Variants in LAMC1 observed in about 807,000 individuals in gnomAD.
The protein encoded by LAMC1 is laminin subunit gamma 1.
Under a neutral mutation model 173.6 loss-of-function variants are expected in LAMC1, and 38 were observed. The observed-to-expected ratio is 0.22, with a 90% CI of 0.17 to 0.29. The LOEUF (loss-of-function observed/expected upper bound fraction) is 0.29, where lower values mean the gene tolerates loss of function less well. Among genes scored for constraint, LAMC1 ranks in the 10% least tolerant of loss-of-function variants. The pLI is 1.00. For missense variants in LAMC1, 1,824 were observed against 2,051.8 expected, an observed-to-expected ratio of 0.89 and a Z score of 2.14; for synonymous variants, 746 against 749.1, an observed-to-expected ratio of 1.00 and a Z score of 0.07.
rs555946677 is a variant in LAMC1 at position 183,144,702 on chromosome 1, C to G, written c.*1912C>G. On this transcript the variant is annotated 3_prime_UTR_variant, in exon 28 of 28. Transcript: ENST00000258341. ...TCTTTGACGCCACAGTGGGACTAGCCAGGAATGAGGGAGAAATGCCCTTTC... is the reference window on the plus strand; with the variant it reads ...TCTTTGACGCCACAGTGGGACTAGCGAGGAATGAGGGAGAAATGCCCTTTC... 4 of 152,138 alleles carry G rather than the reference C, an allele frequency of 2.6e-5. No homozygotes were observed. The South Asian group carries it at 8.3e-4, about 32-fold the overall frequency. 9.4% of individuals were successfully genotyped at this position (152,138 alleles called of 1,614,324 possible).
In LAMC1 at chr1:183,126,138, G is replaced by C. The variant is rs372231779; in HGVS notation, c.2820G>C (p.Leu940Phe). ...QGCERCDCHA[L>F]GSTNGQCDIR... ...TTTTCAGGTGTGACTGCCATGCCTT[G>C]GGCTCCACCAATGGGCAGTGTGACA... The change falls in exon 16 of 28, where the codon TTG (leucine) becomes TTC (phenylalanine). Residue 940 changes from leucine to phenylalanine, a missense_variant. Physicochemically the swap from Leu to Phe is conservative, Grantham distance 22. Coordinates refer to ENST00000258341, the MANE Select transcript of LAMC1 (RefSeq NM_002293.4). 1 of 1,614,042 alleles carries C rather than the reference G, an allele frequency of 6.2e-7. No homozygotes were observed. Among genetic ancestry groups the C allele is most frequent in the African/African-American group, 1.3e-5 (1 of 75,006 alleles).
chr1:183,030,538 T>A (rs559517789), intron 1 of LAMC1, among the ~76,000 whole-genome samples: 3 of 152,340 alleles, frequency 2.0e-5, no homozygotes, highest in African/African-American at 7.2e-5. Flanking sequence ...TGAGCTTGTG[T>A]TTATTTTTTA....
At chr1:183,024,471 A>C (rs1275051392) in intron 1 of LAMC1, among the ~76,000 whole-genome samples, 2 of 151,768 alleles carry the variant, frequency 1.3e-5, no homozygotes, top group Admixed American at 6.6e-5. Context: ...TCCCATCCCC[A>C]CTTTTCTCTT....
rs1017927991 is a variant in LAMC1, at chr1:183,145,008, C to T, written c.*2218C>T. ...GCGTGCTGTTGCAAAGTTTTCACGT[C>T]ATTGTTTCCTGGCTAGTTCATTTCA... On this transcript the variant is annotated 3_prime_UTR_variant, in exon 28 of 28. Transcript: ENST00000258341. 1 of 152,142 alleles carries T rather than the reference C, an allele frequency of 6.6e-6. No individual in the cohort carries two copies. Among genetic ancestry groups the T allele is most frequent in the East Asian group, 1.9e-4 (1 of 5,188 alleles). The allele number at this position is 152,142 out of a possible 1,614,324, so 9.4% of individuals were successfully genotyped here.
intron 1 of LAMC1, among the ~76,000 whole-genome samples, chr1:183,064,149 A>G (rs997558489): frequency 6.6e-6 from 1 of 152,208 alleles, no homozygotes; most frequent in Non-Finnish European, 1.5e-5. Flanking sequence ...GCATTGGAGC[A>G]TGGTACAGGG....
intron 1 of LAMC1, among the ~76,000 whole-genome samples, chr1:183,052,792 G>T (rs897188600): frequency 1.3e-5 from 2 of 152,062 alleles, no homozygotes; most frequent in Non-Finnish European, 2.9e-5. Flanking sequence ...AATAAAGAAG[G>T]TTCTATTCAG....
At chr1:183,117,225 A>C in intron 8 of LAMC1, 95 bp from the exon 9 acceptor site, 1 of 1,345,214 alleles carries the variant, frequency 7.4e-7, no homozygotes, top group South Asian at 1.4e-5. Flanking sequence ...TTCTGTATAC[A>C]AGGTGTGGTC....
chr1:183,134,737 C>G lies in LAMC1; in HGVS notation c.3927C>G (p.Asp1309Glu). 6.2e-7 allele frequency: 1 copy of G among 1,612,792 alleles called. No homozygotes were observed. Among genetic ancestry groups the G allele is most frequent in the Non-Finnish European group, 8.5e-7 (1 of 1,178,828 alleles). ...ACCAGAAATTAAAAGATTATGAGGA[C>G]CTCAGAGAAGATATGAGAGGGAAGG... is the stretch of plus-strand genomic sequence containing the variant. ...LIDQKLKDYE[D>E]LREDMRGKEL... The change falls in exon 23 of 28, where the codon GAC (aspartate) becomes GAG (glutamate). Residue 1309 changes from aspartate to glutamate, a missense_variant. Physicochemically the swap from Asp to Glu is conservative, Grantham distance 45. Coordinates refer to ENST00000258341, the MANE Select transcript of LAMC1 (RefSeq NM_002293.4).
chr1:183,124,964 T>C (rs1365231469), intron 14 of LAMC1, 88 bp downstream of exon 14: 10 of 1,489,058 alleles, frequency 6.7e-6, no homozygotes, highest in Non-Finnish European at 8.2e-6. Context: ...TGTATAGTTG[T>C]TTAGTCCAAT....
At chr1:183,111,162 C>A (rs951762294) in intron 4 of LAMC1, among the ~76,000 whole-genome samples, 1 of 151,298 alleles carries the variant, frequency 6.6e-6, no homozygotes, top group African/African-American at 2.4e-5. Context: ...TCTCAACTCA[C>A]TGCAACTTCC....
chr1:183,079,614 T>G (rs10797834), intron 1 of LAMC1, among the ~76,000 whole-genome samples: 76,218 of 151,938 alleles, frequency 0.5, 19,745 homozygotes, highest in South Asian at 0.64. Flanking sequence ...CTGGTCTTCT[T>G]TGAGGACTTG....
chr1:183,132,114 C>T (rs1047250414), intron 20 of LAMC1, among the ~76,000 whole-genome samples: 1 of 152,180 alleles, frequency 6.6e-6, no homozygotes, highest in African/African-American at 2.4e-5. Context: ...GCCTGGCCAA[C>T]ATGGCGAAAC....
Position 183,131,331 on chromosome 1 carries a change from AAAC to A in LAMC1, c.3524_3526del (p.Asn1175del). On this transcript the variant is annotated inframe_deletion, in exon 20 of 28. Transcript: ENST00000258341. ...CTCAGCCAGAATCTACAGGGGACCC[AAAC>A]AACATGACTCTTTTGGCAGAAGAGG... is the stretch of plus-strand genomic sequence containing the variant. 1.2e-6 allele frequency: 2 copies of A among 1,614,096 alleles called. No homozygotes were observed. Among genetic ancestry groups the A allele is most frequent in the Non-Finnish European group, 1.7e-6 (2 of 1,179,990 alleles).
intron 13 of LAMC1, 107 bp downstream of exon 13, chr1:183,122,358 T>A: frequency 9.6e-7 from 1 of 1,043,090 alleles, no homozygotes; most frequent in Non-Finnish European, 1.4e-6. Flanking sequence ...TCAGTTTCAG[T>A]GGTTATGGTT....
intron 1 of LAMC1, among the ~76,000 whole-genome samples, chr1:183,034,599 A>T (rs901262872): frequency 2.0e-5 from 3 of 152,190 alleles, no homozygotes; most frequent in Non-Finnish European, 2.9e-5. Flanking sequence ...TTGTTAGGAG[A>T]ATACCTACAG....
intron 2 of LAMC1, 38 bp from the exon 3 acceptor site, chr1:183,108,238 C>T (rs889154602): frequency 6.3e-7 from 1 of 1,597,010 alleles, no homozygotes; most frequent in East Asian, 2.2e-5. Flanking sequence ...TCAGTCCCTC[C>T]ACTTCTCTTT....
intron 10 of LAMC1, 48 bp downstream of exon 10, chr1:183,117,771 G>T (rs577947055): frequency 5.3e-6 from 8 of 1,518,386 alleles, no homozygotes; most frequent in South Asian, 1.2e-5. Flanking sequence ...CATTGTGAAA[G>T]TGGTGTCTTT....
At chr1:183,098,414 G>C (rs995104525) in intron 1 of LAMC1, among the ~76,000 whole-genome samples, 10 of 152,234 alleles carry the variant, frequency 6.6e-5, no homozygotes, top group Admixed American at 5.9e-4. Context: ...ATTCCTTGAA[G>C]CAACTTTATT....
chr1:183,048,042 G>A (rs1286516069), intron 1 of LAMC1, among the ~76,000 whole-genome samples: 1 of 152,042 alleles, frequency 6.6e-6, no homozygotes, highest in Non-Finnish European at 1.5e-5. Context: ...ATGTAAATCA[G>A]TCTGCTTTTC....
Sources: allele counts gnomAD v4.1 joint callset (sites outside exome capture counted in the v4.1 genomes callset), GRCh38; gene constraint gnomAD v4.1.1; transcripts MANE v1.5; gene names NCBI Gene and HGNC (gene_info 2026-07-23, HGNC 2026-07-21).